The following ARHGAP25 variants were observed in gnomAD, a reference collection of about 807,000 sequenced individuals.
ARHGAP25 encodes Rho GTPase activating protein 25.
In ARHGAP25, 34 loss-of-function variants were observed where a neutral mutation model predicts 71.0. The observed-to-expected ratio is 0.48, with a 90% CI of 0.36 to 0.64. The LOEUF is 0.64. ARHGAP25 is among the 30% of genes least tolerant of loss of function. The pLI is 0.00. For missense variants in ARHGAP25, 706 were observed against 805.1 expected, an observed-to-expected ratio of 0.88 and a Z score of 1.49; for synonymous variants, 282 against 296.5, an observed-to-expected ratio of 0.95 and a Z score of 0.50.
At chr2:68,761,195 A>G (rs1371984715) in intron 1 of ARHGAP25, among the ~76,000 whole-genome samples, 1 of 152,068 alleles carries the variant, frequency 6.6e-6, no homozygotes, top group African/African-American at 2.4e-5. Context: ...ATGCAAAATA[A>G]TAAAGTTAGG....
intron 1 of ARHGAP25, among the ~76,000 whole-genome samples, chr2:68,739,180 C>T (rs72893967): frequency 0.018 from 2,798 of 152,264 alleles, 73 homozygotes; most frequent in African/African-American, 0.065. Flanking sequence ...ACAAAATTCC[C>T]CCTGTACATG....
chr2:68,713,433 A>G (rs1021871509), intron 2 of ARHGAP25, among the ~76,000 whole-genome samples: 5 of 152,162 alleles, frequency 3.3e-5, no homozygotes, highest in Admixed American at 6.5e-5. Context: ...TAAATATACA[A>G]TCATGTCATT....
At chr2:68,816,683 T>G in intron 7 of ARHGAP25, 1 of 244,186 alleles carries the variant, frequency 4.1e-6, no homozygotes. Context: ...AGCCGTAGCT[T>G]AGCTCCAGGG....
At chr2:68,730,581 T>C (rs963299191), upstream of ARHGAP25, among the ~76,000 whole-genome samples, 7 of 151,536 alleles carry the variant, frequency 4.6e-5, no homozygotes, top group African/African-American at 1.7e-4. Flanking sequence ...GCCCAGGAGG[T>C]TGAGGCTGCA....
intron 9 of ARHGAP25, 88 bp from the exon 10 acceptor site, chr2:68,822,252 T>C: frequency 7.5e-7 from 1 of 1,330,472 alleles, no homozygotes; most frequent in Non-Finnish European, 1.0e-6. Context: ...CAGGAAACTT[T>C]TGTTTTGGGG....
chr2:68,751,906 G>C (rs1354609944), intron 1 of ARHGAP25, among the ~76,000 whole-genome samples: 1 of 152,164 alleles, frequency 6.6e-6, no homozygotes, highest in Non-Finnish European at 1.5e-5. Context: ...GTAAACTGAC[G>C]CTGGGAGTGG....
At chr2:68,750,512 G>C (rs1007265577) in intron 1 of ARHGAP25, among the ~76,000 whole-genome samples, 6 of 152,008 alleles carry the variant, frequency 3.9e-5, no homozygotes, top group Admixed American at 2.0e-4. Context: ...GTAGAGACTG[G>C]GTTTTGCTAT....
intron 2 of ARHGAP25, among the ~76,000 whole-genome samples, chr2:68,719,710 C>T (rs1428595708): frequency 6.6e-6 from 1 of 151,928 alleles, no homozygotes; most frequent in African/African-American, 2.4e-5. Flanking sequence ...CTGCTATGAC[C>T]CAGGCACTTT....
intron 2 of ARHGAP25, among the ~76,000 whole-genome samples, chr2:68,711,550 G>C (rs1481157589): frequency 6.6e-6 from 1 of 151,918 alleles, no homozygotes; most frequent in African/African-American, 2.4e-5. Flanking sequence ...TTTAAGTTCT[G>C]GGATACATAT....
intron 1 of ARHGAP25, 138 bp downstream of exon 1, chr2:68,735,398 T>A: frequency 1.1e-6 from 1 of 878,036 alleles, no homozygotes; most frequent in Non-Finnish European, 1.8e-6. Flanking sequence ...CATTTGCATT[T>A]AAGTTGGCAT....
intron 1 of ARHGAP25, among the ~76,000 whole-genome samples, chr2:68,758,427 G>A (rs373610836): frequency 1.3e-5 from 2 of 151,900 alleles, no homozygotes; most frequent in South Asian, 4.1e-4. Context: ...GATATTTCAT[G>A]TAAATAGTAA....
At chr2:68,726,106 T>C (rs1379342868) in intron 2 of ARHGAP25, among the ~76,000 whole-genome samples, 5 of 152,234 alleles carry the variant, frequency 3.3e-5, no homozygotes, top group African/African-American at 1.2e-4. Flanking sequence ...ATTTCACTTA[T>C]TTATTTTCTT....
intron 4 of ARHGAP25, among the ~76,000 whole-genome samples, chr2:68,801,254 T>A (rs1405339797): frequency 6.6e-6 from 1 of 152,156 alleles, no homozygotes; most frequent in Admixed American, 6.6e-5. Context: ...AAAGTCTTCA[T>A]CATATGGGTG....
At chr2:68,810,664 G>T (rs1485904255) in intron 5 of ARHGAP25, among the ~76,000 whole-genome samples, 2 of 151,412 alleles carry the variant, frequency 1.3e-5, no homozygotes, top group East Asian at 3.8e-4. Context: ...AACTGTCTAG[G>T]TGTCTTTTTT....
intron 6 of ARHGAP25, among the ~76,000 whole-genome samples, chr2:68,813,802 G>C (rs762755347): frequency 6.6e-6 from 1 of 152,188 alleles, no homozygotes; most frequent in Non-Finnish European, 1.5e-5. Context: ...TGAGTGTCAG[G>C]CGTGGTCATC....
intron 1 of ARHGAP25, among the ~76,000 whole-genome samples, chr2:68,764,377 T>G (rs1329264852): frequency 6.6e-6 from 1 of 152,250 alleles, no homozygotes; most frequent in East Asian, 1.9e-4. Flanking sequence ...CCTGAATAGA[T>G]TCCCAGGAGT....
At chr2:68,802,750 T>G (rs1680087961) in intron 4 of ARHGAP25, among the ~76,000 whole-genome samples, 1 of 151,516 alleles carries the variant, frequency 6.6e-6, no homozygotes, top group Admixed American at 6.6e-5. Context: ...GAAATAGATA[T>G]GATATAACTA....
chr2:68,736,309 G>C (rs1199272091), intron 1 of ARHGAP25, among the ~76,000 whole-genome samples: 1 of 152,190 alleles, frequency 6.6e-6, no homozygotes, highest in Non-Finnish European at 1.5e-5. Context: ...GGGGAGATTA[G>C]CGTTCCCTAA....
At chr2:68,773,632 C>T (rs1677635955) in intron 1 of ARHGAP25, among the ~76,000 whole-genome samples, 1 of 152,084 alleles carries the variant, frequency 6.6e-6, no homozygotes, top group Non-Finnish European at 1.5e-5. Flanking sequence ...CAAACCAGCA[C>T]GTATACCCCC....
Sources: gnomAD v4.1 joint callset for allele counts (sites outside exome capture counted in the v4.1 genomes callset) on GRCh38, gnomAD v4.1.1 for gene constraint, MANE v1.5 for transcripts, NCBI Gene and HGNC (gene_info 2026-07-23, HGNC 2026-07-21) for gene names.